The following FBXO32 variants were observed in gnomAD, a reference collection of about 807,000 sequenced individuals.
The protein encoded by FBXO32 is F-box protein 32.
FBXO32 carries 15 observed loss-of-function variants against 48.3 expected under a neutral mutation model. The ratio of observed to expected loss-of-function variants is 0.31; its 90% CI spans 0.21 to 0.48. The LOEUF is 0.48. FBXO32 is among the 20% of genes least tolerant of loss of function. The pLI is 0.99. For synonymous variants in FBXO32, 154 were observed against 165.9 expected (o/e 0.93, Z 0.55); for missense variants, 309 against 432.7 (o/e 0.71, Z 2.54).
At chr8:123,523,316 G>T (rs149027591) in intron 4 of FBXO32, among the ~76,000 whole-genome samples, 1 of 152,168 alleles carries the variant, frequency 6.6e-6, no homozygotes, top group East Asian at 1.9e-4. Context: ...CATTGACCAG[G>T]TGCGGTGGCT....
intron 4 of FBXO32, among the ~76,000 whole-genome samples, chr8:123,527,455 T>G (rs2130545318): frequency 6.6e-6 from 1 of 152,322 alleles, no homozygotes; most frequent in African/African-American, 2.4e-5. Context: ...AGGGACTCAC[T>G]AAGGACCAGG....
At position 123,506,533 on chromosome 8, in the gene FBXO32, G is replaced by T; in HGVS notation, c.693C>A (p.Cys231Ter). 1 of 1,609,422 alleles carries T rather than the reference G, an allele frequency of 6.2e-7. No homozygotes were observed. Among genetic ancestry groups the T allele is most frequent in the Non-Finnish European group, 8.5e-7 (1 of 1,176,440 alleles). Residue 231 changes from cysteine (C) to a stop codon, truncating the protein, a stop_gained, in exon 7 of 9, where the codon TGC (cysteine) becomes TGA (stop). Transcript: ENST00000517956. LOFTEE classifies it high-confidence loss of function. The surrounding 1 kb of genome is among the most constrained non-coding windows in gnomAD (Gnocchi z 4.0). ...GCCTCTGCATGATGTTCAGTTGTAG[G>T]CACAAAGGCAGGTCAGTGAAGGTGA... ...KGLTFTDLPL[C>*]LQLNIMQRLS...
chr8:123,532,822 G>A (rs1020758616), intron 3 of FBXO32, among the ~76,000 whole-genome samples: 6 of 152,308 alleles, frequency 3.9e-5, no homozygotes, highest in African/African-American at 9.6e-5. Flanking sequence ...AGTGATTAGC[G>A]CTTCCAGGAC....
intron 2 of FBXO32, among the ~76,000 whole-genome samples, chr8:123,533,682 C>A (rs1260728606): frequency 6.6e-6 from 1 of 152,038 alleles, no homozygotes; most frequent in Non-Finnish European, 1.5e-5. Context: ...GTGGCAGGCA[C>A]CTGTAATCCC....
chr8:123,509,702 AAAACAAAC>A (rs141509717), intron 6 of FBXO32, among the ~76,000 whole-genome samples: 60 of 151,706 alleles, frequency 4.0e-4, no homozygotes, highest in Middle Eastern at 3.4e-3. Flanking sequence ...CCCTATCTCA[AAAACAAAC>A]AAACAAACAA....
intron 4 of FBXO32, among the ~76,000 whole-genome samples, chr8:123,528,297 A>G (rs1817129878): frequency 6.6e-6 from 1 of 152,178 alleles, no homozygotes; most frequent in Non-Finnish European, 1.5e-5. Context: ...TTGATGCCCA[A>G]GACTCACTCG....
intron 1 of FBXO32, among the ~76,000 whole-genome samples, chr8:123,539,171 T>G (rs889109823): frequency 2.6e-5 from 4 of 152,086 alleles, no homozygotes; most frequent in Non-Finnish European, 5.9e-5. Flanking sequence ...TTTTAAATCT[T>G]CTGCTGAACT....
rs534068463 is a variant in FBXO32, at chr8:123,536,666, A to G, written c.117-1852T>C. Among the ~76,000 whole-genome samples, 3 of 152,334 alleles carry G rather than the reference A, an allele frequency of 2.0e-5. No individual in the cohort carries two copies. The East Asian group carries it at 5.8e-4, about 29-fold the overall frequency. On this transcript the variant is annotated intron_variant, in intron 1 of 8. Coordinates refer to ENST00000517956, the MANE Select transcript of FBXO32 (RefSeq NM_058229.4). ...GAAAGAACACACACAACCCCCACAAACAACAAAAACCTACAGTATAAATTC... is the reference window on the plus strand; with the variant it reads ...GAAAGAACACACACAACCCCCACAAGCAACAAAAACCTACAGTATAAATTC...
In FBXO32 at chr8:123,531,168, G is replaced by A. The variant is rs558008591; in HGVS notation, c.372+730C>T. Among the ~76,000 whole-genome samples, 9 of 151,852 alleles carry A rather than the reference G, an allele frequency of 5.9e-5. No homozygotes were observed. The East Asian group carries it at 1.8e-3, about 30-fold the overall frequency. On this transcript the variant is annotated intron_variant, in intron 4 of 8. Coordinates refer to ENST00000517956, the MANE Select transcript of FBXO32 (RefSeq NM_058229.4). ...CTAATTTTCTTGTATTTTTAGTAGA[G>A]ACAGGATTTCATCATGTTGTCCAGG...
At chr8:123,503,635 A>G (rs996400122) in intron 8 of FBXO32, among the ~76,000 whole-genome samples, 173 bp from the exon 9 acceptor site, 3 of 152,180 alleles carry the variant, frequency 2.0e-5, no homozygotes, top group African/African-American at 7.2e-5. Flanking sequence ...TTTCATGAAG[A>G]CAGAGAGTAG....
intron 6 of FBXO32, among the ~76,000 whole-genome samples, chr8:123,512,594 A>T (rs961090905): frequency 6.9e-6 from 1 of 145,540 alleles, no homozygotes; most frequent in Admixed American, 7.0e-5. Context: ...ACAAGAGCTG[A>T]GGGCCAAGCT....
chr8:123,533,730 C>T (rs1452158436), intron 2 of FBXO32, among the ~76,000 whole-genome samples: 2 of 152,242 alleles, frequency 1.3e-5, no homozygotes, highest in African/African-American at 2.4e-5. Flanking sequence ...ATCACTTGAA[C>T]CCGGGAGGCA....
rs1428668426 is a variant in FBXO32, at chr8:123,501,678, T to C, written c.*1695A>G. The stretch of plus-strand genomic sequence containing the variant: ...TGAAGCGGTGTTGTATCATAGCTTG[T>C]CTCTTGCCTCGTTTCTCTCCATGCT... On this transcript the variant is annotated 3_prime_UTR_variant, in exon 9 of 9. Transcript: ENST00000517956. 3.9e-5 allele frequency: 6 copies of C among 152,186 alleles called. No homozygotes were observed. Among genetic ancestry groups the C allele is most frequent in the Non-Finnish European group, 7.3e-5 (5 of 68,040 alleles). The allele number at this position is 152,186 out of a possible 1,614,324, so 9.4% of individuals were successfully genotyped here. A position where few individuals can be genotyped will look rare whatever the true frequency, so the allele number is the denominator to read the frequency against.
At chr8:123,515,115 ATTTAATACC>A (rs1267234415) in intron 4 of FBXO32, among the ~76,000 whole-genome samples, 10 of 152,214 alleles carry the variant, frequency 6.6e-5, no homozygotes, top group African/African-American at 1.2e-4. Context: ...AAGGTTGAGT[ATTTAATACC>A]TTTAATACAA....
Position 123,513,124 on chromosome 8 carries a change from A to G in FBXO32, c.651+74T>C. On this transcript the variant is annotated intron_variant, in intron 6 of 8. Coordinates refer to ENST00000517956, the MANE Select transcript of FBXO32 (RefSeq NM_058229.4). The surrounding 1 kb of genome is among the most constrained non-coding windows in gnomAD (Gnocchi z 4.3). ...CTCTTCCGTCACAGGAGTGAATTCA[A>G]AGTCTTGGCGAGTCTGTCCAGTATC... The G allele has an allele frequency of 1.3e-6, 2 of 1,481,524 alleles. No individual in the cohort carries two copies. The highest frequency in any genetic ancestry group is 1.9e-6 in the Non-Finnish European group (2 of 1,069,614). 91.8% of individuals were successfully genotyped at this position (1,481,524 alleles called of 1,614,324 possible). A position where few individuals can be genotyped will look rare whatever the true frequency, so the allele number is the denominator to read the frequency against.
intron 4 of FBXO32, among the ~76,000 whole-genome samples, chr8:123,517,924 C>CT (rs1405725147): frequency 2.6e-5 from 4 of 152,102 alleles, no homozygotes; most frequent in Non-Finnish European, 2.9e-5. Context: ...GGTTAGCAAA[C>CT]TTTTTCTGCA....
In FBXO32 at chr8:123,523,698, G is replaced by GA. The variant is rs1028359086; in HGVS notation, c.372+8199dup. ...ATAGGTTTAGATCCTGAGTCATTAA[G>GA]AAAAAAAAATTATACAAAATGGGCA... On this transcript the variant is annotated intron_variant, in intron 4 of 8. Coordinates refer to ENST00000517956, the MANE Select transcript of FBXO32 (RefSeq NM_058229.4). Among the ~76,000 whole-genome samples the GA allele has an allele frequency of 2.6e-4, 40 of 151,520 alleles. No homozygotes were observed. The South Asian group carries it at 7.9e-3, about 30-fold the overall frequency.
intron 4 of FBXO32, among the ~76,000 whole-genome samples, chr8:123,521,521 C>T (rs1816955317): frequency 1.3e-5 from 2 of 152,206 alleles, no homozygotes; most frequent in Admixed American, 1.3e-4. Flanking sequence ...TCCAGAAGGG[C>T]AAGCAGCCTG....
At chr8:123,504,430 A>G (rs926578922) in intron 8 of FBXO32, among the ~76,000 whole-genome samples, 174 bp downstream of exon 8, 3 of 152,168 alleles carry the variant, frequency 2.0e-5, no homozygotes, top group Admixed American at 1.3e-4. Flanking sequence ...ATGGAGGTCT[A>G]TAAAAGTCCT....
Sources: allele counts gnomAD v4.1 joint callset (sites outside exome capture counted in the v4.1 genomes callset), GRCh38; gene constraint gnomAD v4.1.1; non-coding constraint Gnocchi (gnomAD v3.1); transcripts MANE v1.5; gene names NCBI Gene and HGNC (gene_info 2026-07-23, HGNC 2026-07-21).